Variants in CHLSN observed in about 807,000 individuals in gnomAD.
CHLSN encodes protein cholesin.
chr7:1,024,744 T>TGGG, the CHLSN span: 1 of 152,062 alleles, frequency 6.6e-6, no homozygotes, highest in African/African-American at 2.4e-5. Context: ...GCTGACTGAG[T>TGGG]GGGGGAGCAC....
the CHLSN span, among the ~76,000 whole-genome samples, chr7:993,842 G>A: frequency 3.3e-5 from 5 of 152,060 alleles, no homozygotes; most frequent in African/African-American, 7.2e-5. Flanking sequence ...TTCAGCGGCC[G>A]AACCTGTGTC....
the CHLSN span, chr7:1,092,917 G>C: frequency 2.7e-6 from 4 of 1,485,500 alleles, no homozygotes; most frequent in Non-Finnish European, 3.7e-6. Context: ...CACCTGGGTG[G>C]ACACAAGGCA....
chr7:996,359 G>A, the CHLSN span, among the ~76,000 whole-genome samples: 2 of 152,246 alleles, frequency 1.3e-5, no homozygotes, highest in East Asian at 1.9e-4. Context: ...GTTGGGGGGC[G>A]GGGCACCCAA....
At chr7:1,067,237 TG>T in the CHLSN span, among the ~76,000 whole-genome samples, 1 of 133,598 alleles carries the variant, frequency 7.5e-6, no homozygotes, top group African/African-American at 2.9e-5. Context: ...AGTGAGGGTT[TG>T]GGGCACAGTC....
chr7:1,044,840 C>G, the CHLSN span, among the ~76,000 whole-genome samples: 1 of 152,144 alleles, frequency 6.6e-6, no homozygotes, highest in Admixed American at 6.5e-5. Flanking sequence ...GACCGCTGTC[C>G]TCCGGCCGCG....
chr7:1,113,637 G>A, the CHLSN span, among the ~76,000 whole-genome samples: 2,599 of 152,226 alleles, frequency 0.017, 96 homozygotes, highest in East Asian at 0.17. Context: ...ACTCCTTCCC[G>A]GGCGGCCCTT....
At chr7:1,046,653 T>C in the CHLSN span, among the ~76,000 whole-genome samples, 6 of 152,284 alleles carry the variant, frequency 3.9e-5, no homozygotes, top group South Asian at 1.2e-3. Context: ...GAGCGTGCTG[T>C]CTACCCAGGA....
chr7:1,119,822 A>G, the CHLSN span, among the ~76,000 whole-genome samples: 1 of 151,470 alleles, frequency 6.6e-6, no homozygotes, highest in Admixed American at 6.6e-5. Flanking sequence ...GGTTGCGGTG[A>G]GCCGAGATTG....
chr7:1,047,269 G>A, the CHLSN span, among the ~76,000 whole-genome samples: 4 of 152,314 alleles, frequency 2.6e-5, no homozygotes, highest in Non-Finnish European at 4.4e-5. Flanking sequence ...TCCTGGAGCC[G>A]CAAACATGCT....
chr7:1,126,572 C>T, the CHLSN span, among the ~76,000 whole-genome samples: 1 of 151,700 alleles, frequency 6.6e-6, no homozygotes, highest in African/African-American at 2.4e-5. Flanking sequence ...TCTTGGCTAC[C>T]TGTGGGGCCG....
the CHLSN span, chr7:985,237 C>T: frequency 3.9e-6 from 6 of 1,552,826 alleles, no homozygotes; most frequent in African/African-American, 2.7e-5. Flanking sequence ...CTTCGGCCGC[C>T]GATTTGACTA....
chr7:978,690 T>G, the CHLSN span, among the ~76,000 whole-genome samples: 1 of 152,232 alleles, frequency 6.6e-6, no homozygotes, highest in Non-Finnish European at 1.5e-5. Flanking sequence ...TAGGTCTTAT[T>G]ATCCTCATCT....
At chr7:1,127,115 G>A in the CHLSN span, 2 of 864,240 alleles carry the variant, frequency 2.3e-6, no homozygotes, top group South Asian at 4.8e-5. Context: ...GCTTCTGGAA[G>A]GCACCAAGCC....
At chr7:1,073,523 T>C in the CHLSN span, among the ~76,000 whole-genome samples, 11 of 151,844 alleles carry the variant, frequency 7.2e-5, no homozygotes, top group Non-Finnish European at 1.5e-4. Context: ...CACAACTCCT[T>C]GAGACACTTT....
the CHLSN span, among the ~76,000 whole-genome samples, chr7:984,019 C>T: frequency 6.6e-6 from 1 of 152,150 alleles, no homozygotes; most frequent in East Asian, 1.9e-4. Context: ...GGGCTGTAGC[C>T]GAAGACGGAT....
chr7:1,009,986 C>T, the CHLSN span: 7 of 1,586,766 alleles, frequency 4.4e-6, no homozygotes, highest in Non-Finnish European at 3.4e-6. Flanking sequence ...GGCCCCCGAG[C>T]GCCTGGCAGG....
chr7:1,000,556 G>A, the CHLSN span: 4 of 1,602,262 alleles, frequency 2.5e-6, no homozygotes, highest in African/African-American at 2.7e-5. Flanking sequence ...GCCCATCTAG[G>A]GAAAGAAAGA....
At chr7:1,004,073 C>A in the CHLSN span, among the ~76,000 whole-genome samples, 1 of 151,994 alleles carries the variant, frequency 6.6e-6, no homozygotes, top group African/African-American at 2.4e-5. Context: ...CTAGGTGACA[C>A]GCCAGCCCCA....
chr7:1,123,403 G>T, the CHLSN span, among the ~76,000 whole-genome samples: 1 of 152,150 alleles, frequency 6.6e-6, no homozygotes, highest in African/African-American at 2.4e-5. The surrounding 1 kb of genome is among the most constrained non-coding windows in gnomAD (Gnocchi z 4.4). Flanking sequence ...ACAACACAAT[G>T]GCCCACGGGG....
Sources: gnomAD v4.1 joint callset for allele counts (sites outside exome capture counted in the v4.1 genomes callset) on GRCh38, gnomAD v4.1.1 for gene constraint, Gnocchi (gnomAD v3.1) non-coding constraint, MANE v1.5 for transcripts, NCBI Gene and HGNC (gene_info 2026-07-23, HGNC 2026-07-21) for gene names.